Variants in TBC1D22A observed in about 807,000 individuals in gnomAD.
The protein encoded by TBC1D22A is TBC1 domain family member 22A.
A neutral mutation model predicts 60.2 loss-of-function variants in TBC1D22A; 38 were observed. That is an observed-to-expected ratio of 0.63 (90% CI 0.49 to 0.83). The LOEUF (loss-of-function observed/expected upper bound fraction) is 0.83. Among genes scored for constraint, TBC1D22A ranks in the 40% least tolerant of loss-of-function variants. The pLI, the probability that TBC1D22A is intolerant of heterozygous loss-of-function variation, is 0.00. For synonymous variants in TBC1D22A, 302 were observed against 281.7 expected (o/e 1.07, Z -0.72); for missense variants, 628 against 701.0 (o/e 0.90, Z 1.18).
chr22:47,171,099 G>A (rs974198273), intron 12 of TBC1D22A, among the ~76,000 whole-genome samples: 8 of 152,166 alleles, frequency 5.3e-5, no homozygotes, highest in African/African-American at 1.9e-4. Context: ...TGCCTATGTG[G>A]AGAGCCTGCC....
intron 9 of TBC1D22A, among the ~76,000 whole-genome samples, chr22:46,979,747 A>G (rs992297322): frequency 6.6e-6 from 1 of 152,144 alleles, no homozygotes; most frequent in African/African-American, 2.4e-5. Flanking sequence ...CATGCCCGCA[A>G]TTTTACCCAC....
intron 12 of TBC1D22A, among the ~76,000 whole-genome samples, chr22:47,119,784 C>G (rs909379317): frequency 2.6e-5 from 4 of 152,164 alleles, no homozygotes; most frequent in African/African-American, 9.7e-5. Context: ...CATGAGCCAT[C>G]GTGCCAGGCC....
At chr22:47,092,304 A>G (rs961949293) in intron 11 of TBC1D22A, among the ~76,000 whole-genome samples, 1 of 152,156 alleles carries the variant, frequency 6.6e-6, no homozygotes, top group African/African-American at 2.4e-5. Context: ...AGCACAGGAC[A>G]GAGAGGTATG....
intron 12 of TBC1D22A, among the ~76,000 whole-genome samples, chr22:47,144,494 C>T (rs547618265): frequency 8.5e-5 from 13 of 152,382 alleles, no homozygotes; most frequent in Admixed American, 2.0e-4. Flanking sequence ...TGTGACTGCA[C>T]CAGCGTCCCT....
intron 12 of TBC1D22A, among the ~76,000 whole-genome samples, chr22:47,155,159 C>G (rs111233721): frequency 6.6e-6 from 1 of 152,066 alleles, no homozygotes; most frequent in African/African-American, 2.4e-5. Context: ...CGCTCCATGC[C>G]GAGCCCATGT....
At position 46,915,250 on chromosome 22, in the gene TBC1D22A, CAGGG is replaced by C. The variant is rs532216021; in HGVS notation, c.1015+3063_1015+3066del. The C allele has an allele frequency of 5.1e-4, 186 of 365,840 alleles. 1 individual carries two copies. The highest frequency in any genetic ancestry group is 8.3e-4 in the Non-Finnish European group (153 of 185,296). 22.7% of individuals were successfully genotyped at this position (365,840 alleles called of 1,614,324 possible). A position where few individuals can be genotyped will look rare whatever the true frequency, so the allele number is the denominator to read the frequency against. ...GGGAAGCTCATAGACCAGGGACCCGCAGGGTCCAGCACCGGCAGAGGCACGGGTG... is the reference window on the plus strand; with the variant it reads ...GGGAAGCTCATAGACCAGGGACCCGCTCCAGCACCGGCAGAGGCACGGGTG... On this transcript the variant is annotated intron_variant, in intron 8 of 12. Coordinates refer to ENST00000337137, the MANE Select transcript of TBC1D22A (RefSeq NM_014346.5).
At chr22:47,102,184 C>T (rs2065443610) in intron 11 of TBC1D22A, among the ~76,000 whole-genome samples, 1 of 152,218 alleles carries the variant, frequency 6.6e-6, no homozygotes, top group African/African-American at 2.4e-5. Context: ...CTTTACCTCC[C>T]CAAAGTAGCC....
At chr22:47,104,586 C>G (rs931043028) in intron 11 of TBC1D22A, among the ~76,000 whole-genome samples, 1 of 151,204 alleles carries the variant, frequency 6.6e-6, no homozygotes, top group South Asian at 2.1e-4. Flanking sequence ...TCCCAGCTAC[C>G]CCAGAGGCTG....
chr22:46,768,773 G>T (rs1329037231), intron 1 of TBC1D22A, among the ~76,000 whole-genome samples: 1 of 152,106 alleles, frequency 6.6e-6, no homozygotes, highest in African/African-American at 2.4e-5. Flanking sequence ...CAGGCAGCTG[G>T]GGTATGTGGA....
intron 4 of TBC1D22A, among the ~76,000 whole-genome samples, chr22:46,799,872 A>T (rs60617588): frequency 0.041 from 6,266 of 152,254 alleles, 400 homozygotes; most frequent in African/African-American, 0.14. Flanking sequence ...CACGTTGAAG[A>T]TGTGGACTCC....
chr22:46,832,723 T>C lies in TBC1D22A; in HGVS notation c.637+35103T>C, dbSNP rs140026435. On this transcript the variant is annotated intron_variant, in intron 4 of 12. Transcript: ENST00000337137. ...AATATGTAAAATACATTTATTCTTA[T>C]TCTGTGGAAATAAATGATAATTATT... is the stretch of plus-strand genomic sequence containing the variant. 1.9e-3 allele frequency among the ~76,000 whole-genome samples: 290 copies of C among 152,376 alleles called. 3 individuals are homozygous for C. Among genetic ancestry groups the C allele is most frequent in the Admixed American group, 0.013 (194 of 15,314 alleles).
intron 1 of TBC1D22A, among the ~76,000 whole-genome samples, chr22:46,767,485 C>T (rs2083327389): frequency 1.3e-5 from 2 of 152,212 alleles, no homozygotes; most frequent in African/African-American, 2.4e-5. Flanking sequence ...GTGTTAGGAA[C>T]AGCCCCAGGT....
intron 4 of TBC1D22A, among the ~76,000 whole-genome samples, chr22:46,830,945 G>A (rs903032368): frequency 2.6e-5 from 4 of 152,132 alleles, no homozygotes; most frequent in African/African-American, 9.7e-5. Flanking sequence ...GAGGAAGATG[G>A]AGTCAGAGAA....
intron 1 of TBC1D22A, among the ~76,000 whole-genome samples, chr22:46,770,798 G>A (rs1169261259): frequency 6.6e-6 from 1 of 152,246 alleles, no homozygotes; most frequent in East Asian, 1.9e-4. Context: ...TTTTGCTTAT[G>A]TTTTGAAGAG....
At chr22:46,818,234 C>T (rs2085684343) in intron 4 of TBC1D22A, among the ~76,000 whole-genome samples, 1 of 152,202 alleles carries the variant, frequency 6.6e-6, no homozygotes, top group African/African-American at 2.4e-5. Flanking sequence ...TTTTGCTCTG[C>T]AGAAGCTCTT....
At chr22:46,981,469 T>C (rs1184266527) in intron 9 of TBC1D22A, among the ~76,000 whole-genome samples, 2 of 152,168 alleles carry the variant, frequency 1.3e-5, no homozygotes, top group African/African-American at 2.4e-5. Context: ...TCACCTTGAA[T>C]TGTAATCTCC....
At chr22:46,937,348 C>T (rs541543136) in intron 8 of TBC1D22A, among the ~76,000 whole-genome samples, 1 of 152,280 alleles carries the variant, frequency 6.6e-6, no homozygotes, top group East Asian at 1.9e-4. Flanking sequence ...GCGTATACCA[C>T]AGAACTGTGT....
intron 10 of TBC1D22A, among the ~76,000 whole-genome samples, chr22:47,023,899 G>A (rs1422762162): frequency 6.6e-6 from 1 of 152,250 alleles, no homozygotes; most frequent in Non-Finnish European, 1.5e-5. Flanking sequence ...CCTGCACAAA[G>A]ATTGAGGAGT....
In TBC1D22A at chr22:46,884,614, C is replaced by G. The variant is rs183592657; in HGVS notation, c.708+5891C>G. ...CAGTCAACACCCTGGGCTTGGTGGC[C>G]CCTGTGGTCTGTAGCAGCTAATCTC... On this transcript the variant is annotated intron_variant, in intron 5 of 12. Coordinates refer to ENST00000337137, the MANE Select transcript of TBC1D22A (RefSeq NM_014346.5). Among the ~76,000 whole-genome samples, 442 of 152,268 alleles carry G rather than the reference C, an allele frequency of 2.9e-3. 5 individuals carry two copies. The highest frequency in any genetic ancestry group is 3.4e-3 in the Middle Eastern group (1 of 294).
Sources: gnomAD v4.1 joint callset for allele counts (sites outside exome capture counted in the v4.1 genomes callset) on GRCh38, gnomAD v4.1.1 for gene constraint, MANE v1.5 for transcripts, NCBI Gene and HGNC (gene_info 2026-07-23, HGNC 2026-07-21) for gene names.